PPP4R4: variants seen among roughly 807,000 people sequenced by gnomAD.
PPP4R4 encodes serine/threonine-protein phosphatase 4 regulatory subunit 4.
In PPP4R4, 70 loss-of-function variants were observed where a neutral mutation model predicts 121.8. That is an observed-to-expected ratio of 0.57 (90% CI 0.47 to 0.70). The LOEUF (loss-of-function observed/expected upper bound fraction) is 0.70, where lower values mean the gene tolerates loss of function less well. Among genes scored for constraint, PPP4R4 ranks in the 30% least tolerant of loss-of-function variants. The pLI, the probability that PPP4R4 is intolerant of heterozygous loss-of-function variation, is 0.00. For missense variants in PPP4R4, 875 were observed against 1,033.6 expected (o/e 0.85, Z 2.10); for synonymous variants, 348 against 355.7 (o/e 0.98, Z 0.24).
intron 19 of PPP4R4, among the ~76,000 whole-genome samples, chr14:94,262,392 A>T (rs542529002): frequency 6.6e-6 from 1 of 151,990 alleles, no homozygotes; most frequent in South Asian, 2.1e-4. Context: ...GATGATAACC[A>T]TTTTATTCTT....
intron 23 of PPP4R4, among the ~76,000 whole-genome samples, chr14:94,269,751 T>TTG (rs1894229745): frequency 6.6e-6 from 1 of 152,142 alleles, no homozygotes; most frequent in Non-Finnish European, 1.5e-5. Context: ...ATTGGATACT[T>TTG]TTTACTTAAC....
intron 2 of PPP4R4, among the ~76,000 whole-genome samples, chr14:94,191,829 A>G (rs188057167): frequency 9.2e-5 from 14 of 152,294 alleles, no homozygotes; most frequent in Non-Finnish European, 1.3e-4. Flanking sequence ...TTACAAAATT[A>G]TCAACTTAGA....
rs1894584645 is a variant in PPP4R4, at chr14:94,275,453, T to C, written c.2529T>C (p.Arg843=). ...SPNTPLPSTS[R]GTGNSVDPKS... The stretch of plus-strand genomic sequence containing the variant: ...ATACTCCCTTACCGAGTACTTCCCG[T>C]GGGACAGGTAACTCAGTTGACCCCA... The change falls in exon 24 of 25, where the codon CGT becomes CGC. Residue 843 remains arginine (R), a synonymous_variant. Coordinates refer to ENST00000304338, the MANE Select transcript of PPP4R4 (RefSeq NM_058237.2). 2 of 1,613,962 alleles carry C rather than the reference T, an allele frequency of 1.2e-6. No individual in the cohort carries two copies. Among genetic ancestry groups the C allele is most frequent in the African/African-American group, 2.7e-5 (2 of 74,922 alleles).
intron 3 of PPP4R4, among the ~76,000 whole-genome samples, chr14:94,229,440 T>C (rs1891892753): frequency 6.6e-6 from 1 of 152,026 alleles, no homozygotes; most frequent in Admixed American, 6.6e-5. Flanking sequence ...ATGAGGAAGA[T>C]TACAGGAGGA....
chr14:94,234,484 G>C, intron 6 of PPP4R4, 78 bp from the exon 7 acceptor site: 1 of 861,636 alleles, frequency 1.2e-6, no homozygotes, highest in Non-Finnish European at 1.9e-6. Context: ...GGTGAGTTAA[G>C]ATTTTAATGA....
intron 2 of PPP4R4, among the ~76,000 whole-genome samples, chr14:94,179,420 G>A (rs1227524025): frequency 6.6e-6 from 1 of 152,158 alleles, no homozygotes; most frequent in Non-Finnish European, 1.5e-5. Flanking sequence ...TTTTATTGCA[G>A]TGTAGTATTC....
chr14:94,214,446 A>G (rs1024616115), intron 3 of PPP4R4, among the ~76,000 whole-genome samples: 18 of 152,106 alleles, frequency 1.2e-4, no homozygotes, highest in African/African-American at 4.3e-4. Context: ...TTGAGGCTGC[A>G]GTGAATAGTT....
At chr14:94,275,253 A>T (rs1181118355) in intron 23 of PPP4R4, 121 bp from the exon 24 acceptor site, 2 of 1,122,988 alleles carry the variant, frequency 1.8e-6, no homozygotes, top group African/African-American at 1.5e-5. Flanking sequence ...TATGTAAATT[A>T]TACCCTCATA....
chr14:94,200,738 C>T (rs1007176258), intron 2 of PPP4R4, among the ~76,000 whole-genome samples: 12 of 151,276 alleles, frequency 7.9e-5, no homozygotes, highest in Admixed American at 3.3e-4. Flanking sequence ...TGGTTAATCT[C>T]GCTAGTGGTC....
intron 16 of PPP4R4, among the ~76,000 whole-genome samples, chr14:94,255,276 C>A (rs999311016): frequency 6.6e-6 from 1 of 152,174 alleles, no homozygotes; most frequent in African/African-American, 2.4e-5. Flanking sequence ...CCTCCAATCC[C>A]TCAGCACATC....
chr14:94,267,834 A>G (rs980908199), intron 23 of PPP4R4, among the ~76,000 whole-genome samples: 12 of 152,134 alleles, frequency 7.9e-5, no homozygotes, highest in Non-Finnish European at 2.9e-5. Flanking sequence ...TTTTTAGGTT[A>G]CATTTTGAGT....
At chr14:94,253,217 G>A (rs1839945377) in intron 16 of PPP4R4, among the ~76,000 whole-genome samples, 1 of 152,184 alleles carries the variant, frequency 6.6e-6, no homozygotes, top group Non-Finnish European at 1.5e-5. Flanking sequence ...CCAGCACTTT[G>A]GGAGGCCGAG....
rs1001413854 is a variant in PPP4R4 at position 94,228,651 on chromosome 14, C to G, written c.295-1936C>G. On this transcript the variant is annotated intron_variant, in intron 3 of 24. Coordinates refer to ENST00000304338, the MANE Select transcript of PPP4R4 (RefSeq NM_058237.2). ...CTCACCTCAAAATCTCTTGAAGCCA[C>G]TTTTTGGGAGATGTGCAAAATGTGT... Among the ~76,000 whole-genome samples the G allele has an allele frequency of 2.0e-5, 3 of 152,134 alleles. 1 individual carries two copies. The highest frequency in any genetic ancestry group is 3.9e-4 in the East Asian group (2 of 5,190).
chr14:94,225,183 C>CTA (rs1274952770), intron 3 of PPP4R4, among the ~76,000 whole-genome samples: 1 of 152,168 alleles, frequency 6.6e-6, no homozygotes, highest in African/African-American at 2.4e-5. Context: ...CGAGGTAACT[C>CTA]TAATCAACTC....
chr14:94,278,699 T>C lies in PPP4R4; in HGVS notation c.*56T>C. ...AGGCAGCAGGAGATAATGTGATTGG[T>C]ACACAAAAGCTAAAGCAGTGGCTGG... On this transcript the variant is annotated 3_prime_UTR_variant, in exon 25 of 25. Coordinates refer to ENST00000304338, the MANE Select transcript of PPP4R4 (RefSeq NM_058237.2). The C allele has an allele frequency of 6.7e-7, 1 of 1,495,192 alleles. No homozygotes were observed. Among genetic ancestry groups the C allele is most frequent in the Non-Finnish European group, 9.0e-7 (1 of 1,113,866 alleles). 92.6% of individuals were successfully genotyped at this position (1,495,192 alleles called of 1,614,324 possible). A position where few individuals can be genotyped will look rare whatever the true frequency, so the allele number is the denominator to read the frequency against.
intron 23 of PPP4R4, among the ~76,000 whole-genome samples, chr14:94,269,284 C>T (rs926792197): frequency 1.5e-4 from 23 of 152,032 alleles, no homozygotes; most frequent in African/African-American, 5.1e-4. Context: ...TTCACAGTAC[C>T]GGTCATAAAC....
intron 14 of PPP4R4, 116 bp downstream of exon 14, chr14:94,246,655 G>T: frequency 8.6e-7 from 1 of 1,167,724 alleles, no homozygotes. Context: ...ATTCTACCTA[G>T]GAGGATGTCA....
At position 94,275,565 on chromosome 14, in the gene PPP4R4, T is replaced by G. The variant is rs1339200034; in HGVS notation, c.2597+44T>G. The G allele has an allele frequency of 1.9e-6, 3 of 1,599,910 alleles. No individual in the cohort carries two copies. The Admixed American group carries it at 5.0e-5, about 27-fold the overall frequency. On this transcript the variant is annotated intron_variant, in intron 24 of 24. Coordinates refer to ENST00000304338, the MANE Select transcript of PPP4R4 (RefSeq NM_058237.2). The stretch of plus-strand genomic sequence containing the variant: ...TCAGACTGAGTGTATTATCCTCCTC[T>G]TTTGCTTAACACACTTTCCTTCCCA...
intron 1 of PPP4R4, 111 bp downstream of exon 1, chr14:94,174,693 G>T (rs1358727842): frequency 5.4e-6 from 8 of 1,469,010 alleles, no homozygotes; most frequent in Middle Eastern, 2.5e-4. Flanking sequence ...GGGCCGCCGG[G>T]ACCCTCTCAG....
Sources: gnomAD v4.1 joint callset for allele counts (sites outside exome capture counted in the v4.1 genomes callset) on GRCh38, gnomAD v4.1.1 for gene constraint, MANE v1.5 for transcripts, NCBI Gene and HGNC (gene_info 2026-07-23, HGNC 2026-07-21) for gene names.